The following TAMM41 variants were observed in gnomAD, a reference collection of about 807,000 sequenced individuals.
TAMM41 encodes phosphatidate cytidylyltransferase, mitochondrial.
TAMM41 carries 36 observed loss-of-function variants against 44.1 expected under a neutral mutation model. The ratio of observed to expected loss-of-function variants is 0.82; its 90% CI spans 0.63 to 1.08. The LOEUF (loss-of-function observed/expected upper bound fraction) is 1.08. Among genes scored for constraint, TAMM41 ranks in the 50% least tolerant of loss-of-function variants. TAMM41 has a pLI of 0.00. For synonymous variants in TAMM41, 164 were observed against 153.1 expected, an observed-to-expected ratio of 1.07 and a Z score of -0.53; for missense variants, 417 against 404.3, an observed-to-expected ratio of 1.03 and a Z score of -0.27.
chr3:11,784,286 G>T, the TAMM41 span, among the ~76,000 whole-genome samples: 3 of 152,216 alleles, frequency 2.0e-5, no homozygotes, highest in African/African-American at 4.8e-5. Flanking sequence ...CTTGAGTTCA[G>T]GAGTTTGAGA....
At chr3:11,745,923 T>G in the TAMM41 span, among the ~76,000 whole-genome samples, 3 of 152,180 alleles carry the variant, frequency 2.0e-5, no homozygotes, top group African/African-American at 7.2e-5. Context: ...TGGCTAAAAG[T>G]AAAAAAGCCT....
intron 5 of TAMM41, among the ~76,000 whole-genome samples, chr3:11,812,777 C>A (rs911759076): frequency 5.3e-5 from 8 of 152,140 alleles, no homozygotes; most frequent in African/African-American, 1.9e-4. Flanking sequence ...TACCCCTTGC[C>A]CAATTTTGAT....
the TAMM41 span, among the ~76,000 whole-genome samples, chr3:11,736,359 C>T: frequency 1.3e-5 from 2 of 152,168 alleles, no homozygotes; most frequent in Admixed American, 1.3e-4. Flanking sequence ...GTGATTAGCT[C>T]AGGAGGATGG....
At chr3:11,807,380 A>C in intron 7 of TAMM41, 1 of 1,507,062 alleles carries the variant, frequency 6.6e-7, no homozygotes, top group Non-Finnish European at 8.8e-7. Flanking sequence ...TGATACCTAA[A>C]GTTGAAACGT....
At chr3:11,831,237 A>G (rs552565794) in intron 3 of TAMM41, among the ~76,000 whole-genome samples, 4 of 152,182 alleles carry the variant, frequency 2.6e-5, no homozygotes, top group Non-Finnish European at 5.9e-5. Context: ...CAACTCCCAG[A>G]GTTCTGTTTC....
At chr3:11,735,099 C>T in the TAMM41 span, among the ~76,000 whole-genome samples, 1 of 151,378 alleles carries the variant, frequency 6.6e-6, no homozygotes, top group South Asian at 2.1e-4. Context: ...GTGGCTCACA[C>T]CTATAATCCT....
In TAMM41 at chr3:11,809,780, A is replaced by G. The variant is rs2078032209; in HGVS notation, c.709-98T>C. 11 of 1,237,584 alleles carry G rather than the reference A, an allele frequency of 8.9e-6. No individual in the cohort carries two copies. In the East Asian group the frequency reaches 2.6e-4, roughly 29 times the overall value. 76.7% of individuals were successfully genotyped at this position (1,237,584 alleles called of 1,614,324 possible). The stretch of plus-strand genomic sequence containing the variant: ...TTCTCTTTAAAAATCACACAAACAT[A>G]TATGCACCCACACCCCTGGCGAGGC... On this transcript the variant is annotated intron_variant, in intron 5 of 7. Coordinates refer to ENST00000455809, the MANE Select transcript of TAMM41 (RefSeq NM_001284401.2).
the TAMM41 span, among the ~76,000 whole-genome samples, chr3:11,728,939 C>T: frequency 3.7e-3 from 558 of 149,650 alleles, 4 homozygotes; most frequent in African/African-American, 8.3e-3. Context: ...ACCCGGGAGG[C>T]GAAGGTTGCA....
chr3:11,807,333 G>C, intron 7 of TAMM41: 1 of 1,455,820 alleles, frequency 6.9e-7, no homozygotes, highest in Non-Finnish European at 9.0e-7. Flanking sequence ...GGGTGCCAGA[G>C]TTGACTTCTA....
chr3:11,790,564 T>C lies in TAMM41; in HGVS notation c.955A>G (p.Ile319Val), dbSNP rs1309522808. The C allele has an allele frequency of 7.4e-6, 12 of 1,613,972 alleles. No homozygotes were observed. Among genetic ancestry groups the C allele is most frequent in the Non-Finnish European group, 1.0e-5 (12 of 1,179,910 alleles). Residue 319 changes from isoleucine to valine, a missense_variant, in exon 8 of 8, where the codon ATT becomes GTT. Ile to Val is a conservative substitution (Grantham distance 29, BLOSUM62 3). Transcript: ENST00000455809. The stretch of plus-strand genomic sequence containing the variant: ...TTGTGCAGTTTTAGTGAACTATAAA[T>C]CACTGACTTCTTCAGGCCTAAAAGA... ...IFTAGLKKSV[I>V]YSSLKLHKMW...
chr3:11,794,348 G>A (rs1047413342), intron 7 of TAMM41, among the ~76,000 whole-genome samples: 3 of 151,724 alleles, frequency 2.0e-5, no homozygotes, highest in African/African-American at 7.3e-5. Context: ...TTGTTGCCCA[G>A]GCTGGTCTTG....
chr3:11,775,381 G>A, the TAMM41 span, among the ~76,000 whole-genome samples: 6 of 152,106 alleles, frequency 3.9e-5, no homozygotes, highest in Non-Finnish European at 8.8e-5. Context: ...GGTGATTTCC[G>A]AAACCCATGT....
At chr3:11,762,587 T>A in the TAMM41 span, among the ~76,000 whole-genome samples, 1 of 152,256 alleles carries the variant, frequency 6.6e-6, no homozygotes, top group Non-Finnish European at 1.5e-5. Context: ...AGATTTATCA[T>A]AATTCTCTTG....
chr3:11,773,109 AC>A, the TAMM41 span, among the ~76,000 whole-genome samples: 1 of 151,866 alleles, frequency 6.6e-6, no homozygotes, highest in African/African-American at 2.4e-5. Flanking sequence ...GGCACACACC[AC>A]CATGTCCAGC....
rs1311933299 is a variant in TAMM41, at chr3:11,846,639, G to A, written c.-3C>T. The stretch of plus-strand genomic sequence containing the variant: ...CTCTGCAGCGTCTGCAGCGCCATGG[G>A]GTCGAGGCTAACAGGGGACACTCAG... On this transcript the variant is annotated 5_prime_UTR_variant, in exon 1 of 8. Coordinates refer to ENST00000455809, the MANE Select transcript of TAMM41 (RefSeq NM_001284401.2). 2.5e-6 allele frequency: 4 copies of A among 1,614,186 alleles called. No individual in the cohort carries two copies. The highest frequency in any genetic ancestry group is 1.7e-5 in the Admixed American group (1 of 60,024).
the TAMM41 span, among the ~76,000 whole-genome samples, chr3:11,728,326 C>T: frequency 6.6e-6 from 1 of 152,178 alleles, no homozygotes; most frequent in African/African-American, 2.4e-5. Flanking sequence ...CCTCGTTGAG[C>T]TATCATTCTA....
chr3:11,790,738 C>T (rs969146131), intron 7 of TAMM41, among the ~76,000 whole-genome samples, 157 bp from the exon 8 acceptor site: 5 of 152,204 alleles, frequency 3.3e-5, no homozygotes, highest in Admixed American at 3.3e-4. Context: ...GATTAAAGGT[C>T]ACTGTGATCA....
rs76302456 is a variant in TAMM41 at position 11,829,332 on chromosome 3, A to G, written c.562+382T>C. 3.3e-3 allele frequency among the ~76,000 whole-genome samples: 496 copies of G among 152,304 alleles called. 3 individuals carry two copies. Among genetic ancestry groups the G allele is most frequent in the African/African-American group, 0.012 (480 of 41,568 alleles). On this transcript the variant is annotated intron_variant, in intron 4 of 7. Transcript: ENST00000455809. Reference sequence around the variant, plus strand: ...AACCTGAGACTTCCTAGTTGTTCAGACACAGGCTAAAGTTTGAAAACCACT... The same window carrying G: ...AACCTGAGACTTCCTAGTTGTTCAGGCACAGGCTAAAGTTTGAAAACCACT...
chr3:11,751,793 CCTGT>C, the TAMM41 span, among the ~76,000 whole-genome samples: 1 of 152,168 alleles, frequency 6.6e-6, no homozygotes, highest in African/African-American at 2.4e-5. Context: ...GGTTCTTGAC[CCTGT>C]CTGTCTTCTG....
Sources: allele counts gnomAD v4.1 joint callset (sites outside exome capture counted in the v4.1 genomes callset), GRCh38; gene constraint gnomAD v4.1.1; transcripts MANE v1.5; gene names NCBI Gene and HGNC (gene_info 2026-07-23, HGNC 2026-07-21).